Variants in ST8SIA3 observed in about 807,000 individuals in gnomAD.
The protein encoded by ST8SIA3 is alpha-N-acetylneuraminate alpha-2,8-sialyltransferase ST8SIA3.
In ST8SIA3, 17 loss-of-function variants were observed where a neutral mutation model predicts 34.5. The observed-to-expected ratio is 0.49, with a 90% CI of 0.34 to 0.74. ST8SIA3 has a LOEUF of 0.74. Ranked by LOEUF, ST8SIA3 falls within the 30% of genes least tolerant of loss-of-function variation. The pLI is 0.01. For synonymous variants in ST8SIA3, 172 were observed against 176.1 expected (o/e 0.98, Z 0.19); for missense variants, 354 against 467.8 (o/e 0.76, Z 2.24).
Position 57,363,827 on chromosome 18 carries a change from T to C in ST8SIA3, c.*3550T>C, listed in dbSNP as rs938154988. ...CAGTCTTGATTCTTGACTTTACAAA[T>C]GAGAAAATGGAGAAACAGGGAGGCT... is the stretch of plus-strand genomic sequence containing the variant. On this transcript the variant is annotated 3_prime_UTR_variant, in exon 4 of 4. Coordinates refer to ENST00000324000, the MANE Select transcript of ST8SIA3 (RefSeq NM_015879.3). 1.3e-5 allele frequency: 2 copies of C among 152,114 alleles called. No individual in the cohort carries two copies. Among genetic ancestry groups the C allele is most frequent in the African/African-American group, 4.8e-5 (2 of 41,406 alleles). 9.4% of individuals were successfully genotyped at this position (152,114 alleles called of 1,614,324 possible). A position where few individuals can be genotyped will look rare whatever the true frequency, so the allele number is the denominator to read the frequency against.
At chr18:57,354,029 C>A (rs1427633817) in intron 1 of ST8SIA3, among the ~76,000 whole-genome samples, 1 of 152,244 alleles carries the variant, frequency 6.6e-6, no homozygotes, top group Non-Finnish European at 1.5e-5. Flanking sequence ...AAAAACAATT[C>A]TATGGGGCTG....
intron 3 of ST8SIA3, 101 bp from the exon 4 acceptor site, chr18:57,359,894 G>C (rs2049820134): frequency 4.9e-6 from 5 of 1,023,318 alleles, no homozygotes; most frequent in Non-Finnish European, 7.1e-6. Flanking sequence ...CACTATTTAA[G>C]TTACAGTAAC....
rs753057146 is a variant in ST8SIA3, at chr18:57,352,767, C to CACAA, written c.-77_-76insAACA. 2 of 1,053,854 alleles carry CACAA rather than the reference C, an allele frequency of 1.9e-6. No individual in the cohort carries two copies. The highest frequency in any genetic ancestry group is 3.5e-5 in the African/African-American group (2 of 56,878). 65.3% of individuals were successfully genotyped at this position (1,053,854 alleles called of 1,614,324 possible). On this transcript the variant is annotated 5_prime_UTR_variant, in exon 1 of 4. Coordinates refer to ENST00000324000, the MANE Select transcript of ST8SIA3 (RefSeq NM_015879.3). Reference sequence around the variant, plus strand: ...ACACACACACACACACACACACACACACATATATACACGCCAGCGAGCTGC... The same window carrying CACAA: ...ACACACACACACACACACACACACACACAAACATATATACACGCCAGCGAGCTGC...
rs2049850833 is a variant in ST8SIA3, at chr18:57,364,742, A to T, written c.*4465A>T. The T allele has an allele frequency of 6.6e-6, 1 of 152,668 alleles. No individual in the cohort carries two copies. Among genetic ancestry groups the T allele is most frequent in the Non-Finnish European group, 1.5e-5 (1 of 68,036 alleles). The allele number at this position is 152,668 out of a possible 1,614,324, so 9.5% of individuals were successfully genotyped here. A position where few individuals can be genotyped will look rare whatever the true frequency, so the allele number is the denominator to read the frequency against. ...GGCCACAGATCAGTTGGTACTAAGC[A>T]TCAAAATGATTCATTATGCCTCTCT... On this transcript the variant is annotated 3_prime_UTR_variant, in exon 4 of 4. Coordinates refer to ENST00000324000, the MANE Select transcript of ST8SIA3 (RefSeq NM_015879.3).
chr18:57,352,690 A>AC lies in ST8SIA3; in HGVS notation c.-152dup, dbSNP rs552924552. 0.013 allele frequency: 1,426 copies of AC among 106,188 alleles called. 35 individuals carry two copies. The African/African-American group carries it at 0.2, about 15-fold the overall frequency. 6.6% of individuals were successfully genotyped at this position (106,188 alleles called of 1,614,324 possible). On this transcript the variant is annotated 5_prime_UTR_variant, in exon 1 of 4. Transcript: ENST00000324000. ...CCCCCGGCCCCGGTGGCCTCCCCCC[A>AC]CCCCCGCCCGGGTCCCCCTCCTCCG...
chr18:57,357,460 C>G lies in ST8SIA3; in HGVS notation c.850C>G (p.His284Asp). 6.2e-7 allele frequency: 1 copy of G among 1,610,406 alleles called. No homozygotes were observed. Among genetic ancestry groups the G allele is most frequent in the Non-Finnish European group, 8.5e-7 (1 of 1,178,702 alleles). ...QLAWPGNIMQHVNRYWKNKHL... is the reference protein window; with the variant it reads ...QLAWPGNIMQDVNRYWKNKHL... ...GGCTTGGCCGGGAAATATAATGCAA[C>G]ATGTCAACAGGTGTGTATATTTTAT... The change falls in exon 3 of 4, where the codon CAT becomes GAT. Residue 284 changes from histidine to aspartate, a missense_variant. Physicochemically the swap from His to Asp is moderately conservative, Grantham distance 81 (BLOSUM62 -1). Coordinates refer to ENST00000324000, the MANE Select transcript of ST8SIA3 (RefSeq NM_015879.3).
Position 57,352,870 on chromosome 18 carries a change from G to C in ST8SIA3, c.24G>C (p.Arg8=), listed in dbSNP as rs1353074013. 3.1e-6 allele frequency: 5 copies of C among 1,613,544 alleles called. No homozygotes were observed. In the African/African-American group the frequency reaches 6.7e-5, roughly 22 times the overall value. The change falls in exon 1 of 4, where the codon CGG becomes CGC. Residue 8 remains arginine, a synonymous_variant. Coordinates refer to ENST00000324000, the MANE Select transcript of ST8SIA3 (RefSeq NM_015879.3). MRNCKMA[R]VASVLGLVML... ...GGATGAGAAACTGCAAAATGGCCCG[G>C]GTCGCCAGTGTGCTGGGGCTGGTCA... is the stretch of plus-strand genomic sequence containing the variant.
At chr18:57,354,577 A>G in intron 2 of ST8SIA3, 53 bp downstream of exon 2, 2 of 1,589,564 alleles carry the variant, frequency 1.3e-6, no homozygotes, top group Admixed American at 1.8e-5. Context: ...CAAGAGCTCA[A>G]AACAAAACAA....
At chr18:57,358,280 AT>A (rs1040476110) in intron 3 of ST8SIA3, among the ~76,000 whole-genome samples, 1 of 152,008 alleles carries the variant, frequency 6.6e-6, no homozygotes, top group African/African-American at 2.4e-5. Flanking sequence ...TTAATTGTAG[AT>A]TTTTTTTCTT....
In ST8SIA3 at chr18:57,357,124, A is replaced by C. The variant is rs1468736525; in HGVS notation, c.514A>C (p.Thr172Pro). 5 of 1,613,948 alleles carry C rather than the reference A, an allele frequency of 3.1e-6. No homozygotes were observed. The African/African-American group carries it at 6.7e-5, about 22-fold the overall frequency. ...CAVVGNSGIL[T>P]GSQCGQEIDK... is the part of the protein sequence containing the mutation. ...TGTGGTTGGAAATAGTGGGATCCTG[A>C]CAGGGAGCCAGTGTGGACAAGAAAT... Residue 172 changes from threonine to proline, a missense_variant, in exon 3 of 4, where the codon ACA (threonine) becomes CCA (proline). Around this residue, in one of 3 missense-constraint regions of ST8SIA3, gnomAD observed 4 missense variants for 17.2 expected, o/e 0.23. Coordinates refer to ENST00000324000, the MANE Select transcript of ST8SIA3 (RefSeq NM_015879.3).
In ST8SIA3 at chr18:57,368,425, T is replaced by C. The variant is rs1392020895; in HGVS notation, c.*8148T>C. 6.6e-6 allele frequency: 1 copy of C among 152,206 alleles called. No homozygotes were observed. Among genetic ancestry groups the C allele is most frequent in the East Asian group, 1.9e-4 (1 of 5,198 alleles). 9.4% of individuals were successfully genotyped at this position (152,206 alleles called of 1,614,324 possible). The stretch of plus-strand genomic sequence containing the variant: ...AGCAAGAAGTATGTGTCAGGGAAAA[T>C]AAATGCTTCTTATATTGTTAATACC... On this transcript the variant is annotated 3_prime_UTR_variant, in exon 4 of 4. Transcript: ENST00000324000.
At chr18:57,353,904 G>T (rs1405597488) in intron 1 of ST8SIA3, among the ~76,000 whole-genome samples, 1 of 152,224 alleles carries the variant, frequency 6.6e-6, no homozygotes, top group African/African-American at 2.4e-5. Flanking sequence ...GCCCCCGGGG[G>T]TCCCCAGCCA....
In ST8SIA3 at chr18:57,368,789, G is replaced by A. The variant is rs2049875395; in HGVS notation, c.*8512G>A. The A allele has an allele frequency of 6.6e-6, 1 of 152,248 alleles. No homozygotes were observed. The highest frequency in any genetic ancestry group is 1.5e-5 in the Non-Finnish European group (1 of 68,044). 9.4% of individuals were successfully genotyped at this position (152,248 alleles called of 1,614,324 possible). A position where few individuals can be genotyped will look rare whatever the true frequency, so the allele number is the denominator to read the frequency against. On this transcript the variant is annotated 3_prime_UTR_variant, in exon 4 of 4. Coordinates refer to ENST00000324000, the MANE Select transcript of ST8SIA3 (RefSeq NM_015879.3). Reference sequence around the variant, plus strand: ...TGCGTGTATATTGTGACTGTAGTTTGTGAAGAAAATGCAACCATTTGCTTC... The same window carrying A: ...TGCGTGTATATTGTGACTGTAGTTTATGAAGAAAATGCAACCATTTGCTTC...
At chr18:57,356,877 A>C (rs754795822) in intron 2 of ST8SIA3, 36 bp from the exon 3 acceptor site, 47 of 1,333,900 alleles carry the variant, frequency 3.5e-5, no homozygotes, top group Middle Eastern at 4.2e-4. Flanking sequence ...AGTTCTTCTG[A>C]ATGGAATGCT....
In ST8SIA3 at chr18:57,367,441, C is replaced by T. The variant is rs975447954; in HGVS notation, c.*7164C>T. 3 of 152,670 alleles carry T rather than the reference C, an allele frequency of 2.0e-5. No homozygotes were observed. The highest frequency in any genetic ancestry group is 7.2e-5 in the African/African-American group (3 of 41,462). 9.5% of individuals were successfully genotyped at this position (152,670 alleles called of 1,614,324 possible). On this transcript the variant is annotated 3_prime_UTR_variant, in exon 4 of 4. Coordinates refer to ENST00000324000, the MANE Select transcript of ST8SIA3 (RefSeq NM_015879.3). ...GCCTGAGCACAAGTATGCCTTCACCCTCTGGCTCTTTTCCTGACACCAAAC... is the reference window on the plus strand; with the variant it reads ...GCCTGAGCACAAGTATGCCTTCACCTTCTGGCTCTTTTCCTGACACCAAAC...
In ST8SIA3 at chr18:57,360,355, C is replaced by G; in HGVS notation, c.*78C>G. On this transcript the variant is annotated 3_prime_UTR_variant, in exon 4 of 4. Coordinates refer to ENST00000324000, the MANE Select transcript of ST8SIA3 (RefSeq NM_015879.3). ...ATTGAATAGCCTTCAGAATAGAACC[C>G]TAGAGAATGTCTTATAAGGATTGTC... 1 of 1,345,772 alleles carries G rather than the reference C, an allele frequency of 7.4e-7. No homozygotes were observed. The highest frequency in any genetic ancestry group is 1.4e-5 in the South Asian group (1 of 70,450). 83.4% of individuals were successfully genotyped at this position (1,345,772 alleles called of 1,614,324 possible). A position where few individuals can be genotyped will look rare whatever the true frequency, so the allele number is the denominator to read the frequency against.
At chr18:57,359,696 G>A (rs2049818735) in intron 3 of ST8SIA3, among the ~76,000 whole-genome samples, 1 of 152,162 alleles carries the variant, frequency 6.6e-6, no homozygotes, top group African/African-American at 2.4e-5. Flanking sequence ...CAAACAGTGT[G>A]ATCCCAGGAA....
chr18:57,357,061 G>C lies in ST8SIA3; in HGVS notation c.451G>C (p.Val151Leu). The change falls in exon 3 of 4, where the codon GTG (valine) becomes CTG (leucine). Residue 151 changes from valine (V) to leucine (L), a missense_variant. Transcript: ENST00000324000. ...TAACTTCCGGTCACTTCTTCCAGAT[G>C]TGTCACCCATTATGAACAAGCATTA... Reference protein sequence around the residue: ...SNNFRSLLPDVSPIMNKHYNI... With the variant: ...SNNFRSLLPDLSPIMNKHYNI... 6.2e-7 allele frequency: 1 copy of C among 1,614,094 alleles called. No individual in the cohort carries two copies. Among genetic ancestry groups the C allele is most frequent in the Non-Finnish European group, 8.5e-7 (1 of 1,179,988 alleles).
At chr18:57,355,710 T>TA (rs1484810974) in intron 2 of ST8SIA3, among the ~76,000 whole-genome samples, 1 of 152,168 alleles carries the variant, frequency 6.6e-6, no homozygotes, top group Non-Finnish European at 1.5e-5. Flanking sequence ...TCTAACTCAA[T>TA]AAAAAATATT....
Sources: gnomAD v4.1 joint callset for allele counts (sites outside exome capture counted in the v4.1 genomes callset) on GRCh38, gnomAD v4.1.1 for gene constraint, gnomAD v4.1.1 regional missense constraint, MANE v1.5 for transcripts, NCBI Gene and HGNC (gene_info 2026-07-23, HGNC 2026-07-21) for gene names.